FRAS1: variants seen among roughly 807,000 people sequenced by gnomAD.
FRAS1 encodes Fraser extracellular matrix complex subunit 1.
A neutral mutation model predicts 435.2 loss-of-function variants in FRAS1; 290 were observed. The observed-to-expected ratio is 0.67, with a 90% CI of 0.61 to 0.73. The LOEUF is 0.73. Ranked by LOEUF, FRAS1 falls within the 30% of genes least tolerant of loss-of-function variation. FRAS1 has a pLI of 0.00. For missense variants in FRAS1, 4,860 were observed against 5,001.5 expected (o/e 0.97, Z 0.85); for synonymous variants, 1,800 against 1,851.0 (o/e 0.97, Z 0.71).
At position 78,160,158 on chromosome 4, in the gene FRAS1, GA is replaced by G. The variant is rs533072008; in HGVS notation, c.109-77347del. Among the ~76,000 whole-genome samples, 4 of 152,152 alleles carry G rather than the reference GA, an allele frequency of 2.6e-5. No homozygotes were observed. The South Asian group carries it at 8.3e-4, about 32-fold the overall frequency. On this transcript the variant is annotated intron_variant, in intron 2 of 73. Transcript: ENST00000512123. The stretch of plus-strand genomic sequence containing the variant: ...TACCCATAAGTAAATTTTTAATGAG[GA>G]AAAAGGCAAGAATAAATGAAAAAAG...
chr4:78,386,402 A>C (rs527322761), intron 28 of FRAS1, among the ~76,000 whole-genome samples: 1 of 152,296 alleles, frequency 6.6e-6, no homozygotes, highest in East Asian at 1.9e-4. Context: ...ATAGAATCAC[A>C]GCTGTAGAAT....
At chr4:78,400,323 C>A (rs1191124280) in intron 29 of FRAS1, among the ~76,000 whole-genome samples, 2 of 152,294 alleles carry the variant, frequency 1.3e-5, no homozygotes, top group East Asian at 3.9e-4. Flanking sequence ...ACTGTAAGTT[C>A]TGACGTTAAG....
At chr4:78,125,475 G>T (rs1014081843) in intron 2 of FRAS1, among the ~76,000 whole-genome samples, 1 of 152,134 alleles carries the variant, frequency 6.6e-6, no homozygotes, top group Non-Finnish European at 1.5e-5. Flanking sequence ...GTTGATTTGG[G>T]GTGGAGAGTT....
chr4:78,410,754 TC>T (rs768398608), intron 31 of FRAS1, among the ~76,000 whole-genome samples: 4 of 152,226 alleles, frequency 2.6e-5, no homozygotes, highest in Non-Finnish European at 5.9e-5. Context: ...GGCTCAGAGT[TC>T]CTATGTGATT....
chr4:78,189,897 C>T (rs947693663), intron 2 of FRAS1, among the ~76,000 whole-genome samples: 7 of 137,052 alleles, frequency 5.1e-5, no homozygotes, highest in Admixed American at 3.7e-4. Context: ...ATTCTACCCT[C>T]CACATCCAAT....
chr4:78,431,523 A>G (rs1366772771), intron 37 of FRAS1, among the ~76,000 whole-genome samples: 1 of 152,220 alleles, frequency 6.6e-6, no homozygotes, highest in East Asian at 1.9e-4. Context: ...TAAATTCTTC[A>G]ATCTCAATAC....
At chr4:78,269,515 A>T (rs1407709364) in intron 9 of FRAS1, among the ~76,000 whole-genome samples, 2 of 152,340 alleles carry the variant, frequency 1.3e-5, no homozygotes, top group East Asian at 3.9e-4. Context: ...GTTAATTTTT[A>T]AAAGAAGAGG....
At chr4:78,063,350 C>T (rs1739844017) in intron 1 of FRAS1, among the ~76,000 whole-genome samples, 1 of 152,116 alleles carries the variant, frequency 6.6e-6, no homozygotes. Flanking sequence ...CTGGGCATCA[C>T]ACTGGAATGC....
chr4:78,425,002 C>T (rs369876439), intron 35 of FRAS1, among the ~76,000 whole-genome samples: 1 of 151,884 alleles, frequency 6.6e-6, no homozygotes, highest in Non-Finnish European at 1.5e-5. Context: ...TTAATAGTAA[C>T]TAAGATCCTA....
intron 2 of FRAS1, among the ~76,000 whole-genome samples, chr4:78,170,213 C>T (rs571933822): frequency 2.0e-5 from 3 of 152,130 alleles, no homozygotes; most frequent in East Asian, 1.9e-4. Context: ...CTTATTTGTA[C>T]GTTTGTTTAC....
chr4:78,065,020 T>C (rs530211686), intron 1 of FRAS1, among the ~76,000 whole-genome samples: 3 of 147,722 alleles, frequency 2.0e-5, no homozygotes, highest in South Asian at 4.3e-4. Context: ...TGGGAATGTG[T>C]CTATATTTTT....
At position 78,237,500 on chromosome 4, in the gene FRAS1, C is replaced by T. The variant is rs765495962; in HGVS notation, c.109-10C>T. On this transcript the variant is annotated splice_polypyrimidine_tract_variant and intron_variant, in intron 2 of 73. Coordinates refer to ENST00000512123, the MANE Select transcript of FRAS1 (RefSeq NM_025074.7). ...TCAGTTTTTAAATCAGAGCTTATGC[C>T]TCTTTACAGGATGCCACAATTTGGA... is the stretch of plus-strand genomic sequence containing the variant. 6.2e-7 allele frequency: 1 copy of T among 1,605,788 alleles called. No homozygotes were observed. The highest frequency in any genetic ancestry group is 1.3e-5 in the African/African-American group (1 of 74,682).
intron 29 of FRAS1, among the ~76,000 whole-genome samples, chr4:78,388,298 C>T (rs1238070858): frequency 6.9e-6 from 1 of 144,236 alleles, no homozygotes; most frequent in African/African-American, 2.7e-5. Context: ...GCACTCCAGC[C>T]TGGGTGACAG....
At chr4:78,293,060 C>T (rs535817374) in intron 14 of FRAS1, among the ~76,000 whole-genome samples, 7 of 152,324 alleles carry the variant, frequency 4.6e-5, no homozygotes, top group Middle Eastern at 6.8e-3. Flanking sequence ...CTGTCCCAGA[C>T]ACCAGAGATA....
intron 2 of FRAS1, among the ~76,000 whole-genome samples, chr4:78,157,130 C>T (rs1156623104): frequency 6.6e-6 from 1 of 152,180 alleles, no homozygotes; most frequent in Non-Finnish European, 1.5e-5. Context: ...CCAGCTGCAT[C>T]CATACTGCTG....
chr4:78,202,602 A>G (rs1723089444), intron 2 of FRAS1, among the ~76,000 whole-genome samples: 1 of 152,178 alleles, frequency 6.6e-6, no homozygotes, highest in African/African-American at 2.4e-5. Flanking sequence ...GAGGCAGGAT[A>G]ATCTCATGAA....
intron 54 of FRAS1, among the ~76,000 whole-genome samples, chr4:78,475,887 A>G (rs1005785805): frequency 4.6e-5 from 7 of 152,252 alleles, no homozygotes; most frequent in Middle Eastern, 3.4e-3. Flanking sequence ...ATCATGTTCT[A>G]TATTCAGCTT....
At chr4:78,176,346 G>A (rs184815986) in intron 2 of FRAS1, among the ~76,000 whole-genome samples, 2 of 151,844 alleles carry the variant, frequency 1.3e-5, no homozygotes, top group Non-Finnish European at 2.9e-5. Flanking sequence ...TAATCATTGC[G>A]CCCCTCCCAT....
At chr4:78,121,687 G>A (rs1000139281) in intron 2 of FRAS1, among the ~76,000 whole-genome samples, 6 of 152,148 alleles carry the variant, frequency 3.9e-5, no homozygotes, top group East Asian at 3.8e-4. Flanking sequence ...CTTTGGTTAC[G>A]CTTGAGCTCT....
Sources: allele counts gnomAD v4.1 joint callset (sites outside exome capture counted in the v4.1 genomes callset), GRCh38; gene constraint gnomAD v4.1.1; transcripts MANE v1.5; gene names NCBI Gene and HGNC (gene_info 2026-07-23, HGNC 2026-07-21).